Variants in PCSK2 observed in about 807,000 individuals in gnomAD.
PCSK2 encodes neuroendocrine convertase 2.
A neutral mutation model predicts 69.7 loss-of-function variants in PCSK2; 14 were observed. The ratio of observed to expected loss-of-function variants is 0.20; its 90% CI spans 0.13 to 0.31. The LOEUF (loss-of-function observed/expected upper bound fraction) is 0.31, where lower values mean the gene tolerates loss of function less well. Among genes scored for constraint, PCSK2 ranks in the 10% least tolerant of loss-of-function variants. The pLI, the probability that PCSK2 is intolerant of heterozygous loss-of-function variation, is 1.00. For synonymous variants in PCSK2, 307 were observed against 320.7 expected (o/e 0.96, Z 0.46); for missense variants, 544 against 842.5 (o/e 0.65, Z 4.39).
chr20:17,345,079 A>C (rs557635038), intron 2 of PCSK2, among the ~76,000 whole-genome samples: 6 of 152,172 alleles, frequency 3.9e-5, no homozygotes, highest in Non-Finnish European at 7.3e-5. Flanking sequence ...AATCTTTTCA[A>C]ATAGAGACAT....
At chr20:17,305,983 C>A (rs2123102148) in intron 2 of PCSK2, among the ~76,000 whole-genome samples, 1 of 152,306 alleles carries the variant, frequency 6.6e-6, no homozygotes. Context: ...CTTAGCCTGA[C>A]ATTTTTCTGC....
intron 5 of PCSK2, among the ~76,000 whole-genome samples, chr20:17,398,928 A>G (rs1403868076): frequency 6.6e-6 from 1 of 152,184 alleles, no homozygotes; most frequent in Non-Finnish European, 1.5e-5. Context: ...TAAAAATTCC[A>G]TAATATATGA....
chr20:17,393,563 A>AT (rs2031439100), intron 5 of PCSK2, among the ~76,000 whole-genome samples: 1 of 151,992 alleles, frequency 6.6e-6, no homozygotes, highest in Non-Finnish European at 1.5e-5. Context: ...ATATTTTTAA[A>AT]TTTTTTTTCT....
At chr20:17,393,556 T>A (rs1189191323) in intron 5 of PCSK2, among the ~76,000 whole-genome samples, 2 of 152,202 alleles carry the variant, frequency 1.3e-5, no homozygotes, top group South Asian at 2.1e-4. Flanking sequence ...AAGATGAATA[T>A]TTTTAAATTT....
intron 2 of PCSK2, among the ~76,000 whole-genome samples, chr20:17,285,727 C>A (rs1313031634): frequency 2.0e-5 from 3 of 152,158 alleles, no homozygotes; most frequent in Non-Finnish European, 4.4e-5. Context: ...GGGTTCTGGC[C>A]TTGGCAATCA....
At chr20:17,417,870 G>A (rs1009814311) in intron 6 of PCSK2, among the ~76,000 whole-genome samples, 3 of 152,162 alleles carry the variant, frequency 2.0e-5, no homozygotes, top group African/African-American at 4.8e-5. Flanking sequence ...AAAGCTCTGT[G>A]ATGAGTACAT....
chr20:17,226,821 T>G (rs1467017371), upstream of PCSK2, among the ~76,000 whole-genome samples: 1 of 123,810 alleles, frequency 8.1e-6, no homozygotes, highest in African/African-American at 3.0e-5. Flanking sequence ...TGCGCTGCGC[T>G]GCGCCCCCAG....
intron 1 of PCSK2, among the ~76,000 whole-genome samples, chr20:17,238,370 A>T (rs1986422878): frequency 1.3e-5 from 2 of 152,234 alleles, no homozygotes. Flanking sequence ...TGGTTTTTCC[A>T]GTCATTTACA....
At chr20:17,265,138 T>C (rs1011281152) in intron 2 of PCSK2, among the ~76,000 whole-genome samples, 3 of 152,154 alleles carry the variant, frequency 2.0e-5, no homozygotes, top group Non-Finnish European at 1.5e-5. Flanking sequence ...TGCTGGAAAG[T>C]CTACTTTCAA....
At chr20:17,443,367 G>A in intron 8 of PCSK2, among the ~76,000 whole-genome samples, 1 of 152,158 alleles carries the variant, frequency 6.6e-6, no homozygotes, top group East Asian at 1.9e-4. Flanking sequence ...TCCCTACCCT[G>A]TTTCAATGCC....
chr20:17,287,939 C>G (rs1000087676), intron 2 of PCSK2, among the ~76,000 whole-genome samples: 31 of 152,204 alleles, frequency 2.0e-4, no homozygotes, highest in African/African-American at 7.0e-4. Context: ...CCCAGCTCAC[C>G]CTGAAAGAGC....
At position 17,381,673 on chromosome 20, in the gene PCSK2, T is replaced by C. The variant is rs1179540167; in HGVS notation, c.543+12396T>C. Among the ~76,000 whole-genome samples the C allele has an allele frequency of 2.6e-5, 4 of 152,228 alleles. No individual in the cohort carries two copies. The East Asian group carries it at 7.7e-4, about 29-fold the overall frequency. ...GCTGATATGAACACTGGGTCTTTGT[T>C]GATCAATCAAAAAATAGAAATTAAA... On this transcript the variant is annotated intron_variant, in intron 5 of 11. Coordinates refer to ENST00000262545, the MANE Select transcript of PCSK2 (RefSeq NM_002594.5).
intron 4 of PCSK2, among the ~76,000 whole-genome samples, chr20:17,362,532 A>G (rs1009908540): frequency 2.6e-5 from 4 of 152,318 alleles, no homozygotes; most frequent in Non-Finnish European, 4.4e-5. Flanking sequence ...GAAAAGGCTC[A>G]GCCTCCCTCC....
intron 1 of PCSK2, among the ~76,000 whole-genome samples, chr20:17,249,052 C>T (rs747037058): frequency 1.3e-5 from 2 of 152,062 alleles, no homozygotes; most frequent in Non-Finnish European, 1.5e-5. Context: ...GTAACACAAC[C>T]GTGGAAAGGG....
chr20:17,254,027 G>T (rs1457545368), intron 1 of PCSK2, among the ~76,000 whole-genome samples: 1 of 152,138 alleles, frequency 6.6e-6, no homozygotes, highest in Non-Finnish European at 1.5e-5. Flanking sequence ...TTGAAGAAAT[G>T]ATTCCTCTAA....
chr20:17,303,429 T>C (rs1456211220), intron 2 of PCSK2, among the ~76,000 whole-genome samples: 1 of 74,272 alleles, frequency 1.3e-5, no homozygotes, highest in Admixed American at 1.8e-4. Context: ...TATATATTTT[T>C]AATATATAAT....
intron 2 of PCSK2, among the ~76,000 whole-genome samples, chr20:17,354,900 GA>G (rs11479314): frequency 0.083 from 12,375 of 149,044 alleles, 551 homozygotes; most frequent in African/African-American, 0.12. Flanking sequence ...TCATTGTGGG[GA>G]AAAAAAAAAG....
At chr20:17,408,569 A>G (rs16999107) in intron 5 of PCSK2, among the ~76,000 whole-genome samples, 5,901 of 152,292 alleles carry the variant, frequency 0.039, 395 homozygotes, top group African/African-American at 0.13. Context: ...GAAGTTTGTA[A>G]TGGTACATTT....
chr20:17,404,277 CTG>C (rs2031706040), intron 5 of PCSK2, among the ~76,000 whole-genome samples: 1 of 152,234 alleles, frequency 6.6e-6, no homozygotes, highest in Non-Finnish European at 1.5e-5. Context: ...CTAAAAATAT[CTG>C]TTCAATCACA....
Sources: allele counts gnomAD v4.1 joint callset (sites outside exome capture counted in the v4.1 genomes callset), GRCh38; gene constraint gnomAD v4.1.1; transcripts MANE v1.5; gene names NCBI Gene and HGNC (gene_info 2026-07-23, HGNC 2026-07-21).